The following RNF122 variants were observed in gnomAD, a reference collection of about 807,000 sequenced individuals.
The protein encoded by RNF122 is ring finger protein 122.
Under a neutral mutation model 24.2 loss-of-function variants are expected in RNF122, and 17 were observed. That is an observed-to-expected ratio of 0.70 (90% CI 0.48 to 1.06). The LOEUF is 1.06. Among genes scored for constraint, RNF122 ranks in the 50% least tolerant of loss-of-function variants. RNF122 has a pLI of 0.00. For synonymous variants in RNF122, 65 were observed against 71.8 expected (o/e 0.91, Z 0.48); for missense variants, 168 against 198.1 (o/e 0.85, Z 0.91).
intron 1 of RNF122, among the ~76,000 whole-genome samples, chr8:33,566,201 G>C (rs1810620048): frequency 6.6e-6 from 1 of 152,150 alleles, no homozygotes; most frequent in African/African-American, 2.4e-5. Context: ...AGCCACGCCA[G>C]CAGCCCGTGG....
intron 1 of RNF122, among the ~76,000 whole-genome samples, chr8:33,560,307 G>A (rs1284188967): frequency 6.6e-6 from 1 of 152,140 alleles, no homozygotes; most frequent in Non-Finnish European, 1.5e-5. Context: ...GCCAGTATTT[G>A]GTGTTCAGGT....
chr8:33,549,481 T>C lies in RNF122; in HGVS notation c.282A>G (p.Ala94=). ...TCCCCTTGAAGTCTTCCAGACAGAC[T>C]GCGCAGGTCTGCTGCAGAGAGAAAA... ...KKLQLYGQTC[A]VCLEDFKGKD... is the part of the protein sequence containing the mutation. The change falls in exon 5 of 6, where the codon GCA becomes GCG. Residue 94 remains alanine, a synonymous_variant. Transcript: ENST00000256257. The C allele has an allele frequency of 1.2e-6, 2 of 1,613,774 alleles. No individual in the cohort carries two copies. The highest frequency in any genetic ancestry group is 1.7e-6 in the Non-Finnish European group (2 of 1,179,650).
Position 33,548,005 on chromosome 8 carries a change from A to AAAAAAAAAAC in RNF122, c.*747_*748insGTTTTTTTTT, listed in dbSNP as rs1810311924. 1 of 147,994 alleles carries AAAAAAAAAAC rather than the reference A, an allele frequency of 6.8e-6. No individual in the cohort carries two copies. Among genetic ancestry groups the AAAAAAAAAAC allele is most frequent in the African/African-American group, 2.5e-5 (1 of 39,234 alleles). 9.2% of individuals were successfully genotyped at this position (147,994 alleles called of 1,614,324 possible). A position where few individuals can be genotyped will look rare whatever the true frequency, so the allele number is the denominator to read the frequency against. On this transcript the variant is annotated 3_prime_UTR_variant, in exon 6 of 6. Coordinates refer to ENST00000256257, the MANE Select transcript of RNF122 (RefSeq NM_024787.3). Reference sequence around the variant, plus strand: ...CAAAAAAAAAAAAAAAAAAAAAAAAAAGGCCCCTGGGAATCAATTTAAGTA... The same window carrying AAAAAAAAAAC: ...CAAAAAAAAAAAAAAAAAAAAAAAAAAAAAAAAAACAGGCCCCTGGGAATCAATTTAAGTA...
At chr8:33,554,700 T>A (rs1810423616) in intron 2 of RNF122, among the ~76,000 whole-genome samples, 1 of 152,188 alleles carries the variant, frequency 6.6e-6, no homozygotes, top group Admixed American at 6.5e-5. Flanking sequence ...CTGATTTCAA[T>A]GAGACCATTT....
chr8:33,565,102 A>T (rs1810602022), intron 1 of RNF122, among the ~76,000 whole-genome samples: 1 of 152,146 alleles, frequency 6.6e-6, no homozygotes, highest in Non-Finnish European at 1.5e-5. Flanking sequence ...AAGAAAGACC[A>T]GGGGATCTGG....
rs1810366735 is a variant in RNF122, at chr8:33,551,057, A to G, written c.257T>C (p.Leu86Ser). 2 of 1,613,996 alleles carry G rather than the reference A, an allele frequency of 1.2e-6. No individual in the cohort carries two copies. Among genetic ancestry groups the G allele is most frequent in the Non-Finnish European group, 1.7e-6 (2 of 1,180,002 alleles). Residue 86 changes from leucine to serine, a missense_variant, in exon 4 of 6, where the codon TTA (leucine) becomes TCA (serine). Leu to Ser is a moderately radical substitution (Grantham distance 145). Coordinates refer to ENST00000256257, the MANE Select transcript of RNF122 (RefSeq NM_024787.3). The stretch of plus-strand genomic sequence containing the variant: ...TGGCACACTTACCCCATATAATTGT[A>G]ACTTCTTGGCATCACCTTTAAGCAC... ...EVVLKGDAKKLQLYGQTCAVC... is the reference protein window; with the variant it reads ...EVVLKGDAKKSQLYGQTCAVC...
At chr8:33,560,050 C>G (rs1810517500) in intron 1 of RNF122, among the ~76,000 whole-genome samples, 1 of 152,030 alleles carries the variant, frequency 6.6e-6, no homozygotes, top group Non-Finnish European at 1.5e-5. Context: ...CCATGTTGCC[C>G]AGGCTGGTCT....
In RNF122 at chr8:33,551,057, A is replaced by T; in HGVS notation, c.257T>A (p.Leu86Ter). The T allele has an allele frequency of 6.2e-7, 1 of 1,614,114 alleles. No individual in the cohort carries two copies. The highest frequency in any genetic ancestry group is 8.5e-7 in the Non-Finnish European group (1 of 1,179,994). Residue 86 changes from leucine (L) to a stop codon, truncating the protein, a stop_gained, in exon 4 of 6, where the codon TTA becomes TAA. Coordinates refer to ENST00000256257, the MANE Select transcript of RNF122 (RefSeq NM_024787.3). LOFTEE classifies it high-confidence loss of function. ...EVVLKGDAKK[L>*]QLYGQTCAVC... ...TGGCACACTTACCCCATATAATTGT[A>T]ACTTCTTGGCATCACCTTTAAGCAC...
rs145965000 is a variant in RNF122 at position 33,554,364 on chromosome 8, G to A, written c.183-2975C>T. Among the ~76,000 whole-genome samples the A allele has an allele frequency of 4.3e-3, 661 of 152,290 alleles. 2 individuals carry two copies. Among genetic ancestry groups the A allele is most frequent in the Non-Finnish European group, 7.5e-3 (511 of 68,026 alleles). ...TGGCTATACTTATGTAGCAGATGCT[G>A]TCTTTTTCTGTTTTCTGTACCCCAG... On this transcript the variant is annotated intron_variant, in intron 2 of 5. Transcript: ENST00000256257.
At chr8:33,560,435 G>A (rs1016624540) in intron 1 of RNF122, among the ~76,000 whole-genome samples, 12 of 152,028 alleles carry the variant, frequency 7.9e-5, no homozygotes, top group Non-Finnish European at 1.5e-5. Flanking sequence ...GTGCAGTGGT[G>A]TAAACATGCC....
At position 33,551,032 on chromosome 8, in the gene RNF122, T is replaced by C. The variant is rs1392300624; in HGVS notation, c.270+12A>G. On this transcript the variant is annotated intron_variant, in intron 4 of 5. Coordinates refer to ENST00000256257, the MANE Select transcript of RNF122 (RefSeq NM_024787.3). ...GCTGGGGCCCTCCTGCACACTTTCC[T>C]GGCACACTTACCCCATATAATTGTA... 3 of 1,613,830 alleles carry C rather than the reference T, an allele frequency of 1.9e-6. No homozygotes were observed. The African/African-American group carries it at 4.0e-5, about 22-fold the overall frequency.
At chr8:33,550,350 T>C (rs781692033) in intron 4 of RNF122, among the ~76,000 whole-genome samples, 14 of 152,174 alleles carry the variant, frequency 9.2e-5, no homozygotes, top group Non-Finnish European at 1.8e-4. Flanking sequence ...AGAGGTGTAA[T>C]AGACAAAATG....
intron 2 of RNF122, among the ~76,000 whole-genome samples, chr8:33,555,193 T>TG (rs879621471): frequency 2.0e-5 from 3 of 151,614 alleles, no homozygotes; most frequent in African/African-American, 7.3e-5. Flanking sequence ...TGTGTTTTTT[T>TG]GGGTTTTTTT....
At position 33,551,372 on chromosome 8, in the gene RNF122, G is replaced by A. The variant is rs751476229; in HGVS notation, c.200C>T (p.Ala67Val). The A allele has an allele frequency of 6.2e-7, 1 of 1,614,132 alleles. No individual in the cohort carries two copies. The highest frequency in any genetic ancestry group is 8.5e-7 in the Non-Finnish European group (1 of 1,179,990). Residue 67 changes from alanine to valine, a missense_variant, in exon 3 of 6, where the codon GCA (alanine) becomes GTA (valine). Ala to Val is a moderately conservative substitution (Grantham distance 64, BLOSUM62 0). Coordinates refer to ENST00000256257, the MANE Select transcript of RNF122 (RefSeq NM_024787.3). Reference sequence around the variant, plus strand: ...CTTATATCCGTATCGCTCACTCTGTGCCTGGTTCCGCAGTTTGCTGGGAGA... The same window carrying A: ...CTTATATCCGTATCGCTCACTCTGTACCTGGTTCCGCAGTTTGCTGGGAGA... ...CYFISKLRNQ[A>V]QSERYGYKEV...
intron 2 of RNF122, among the ~76,000 whole-genome samples, chr8:33,558,391 C>T (rs549742994): frequency 2.0e-5 from 3 of 152,238 alleles, no homozygotes; most frequent in African/African-American, 4.8e-5. Context: ...CAGCCCAACC[C>T]GTGGTGACCT....
At chr8:33,555,100 G>A (rs1252897402) in intron 2 of RNF122, among the ~76,000 whole-genome samples, 1 of 152,228 alleles carries the variant, frequency 6.6e-6, no homozygotes, top group East Asian at 1.9e-4. Flanking sequence ...GGTGACGAAG[G>A]AGATTACTAA....
chr8:33,557,866 G>A (rs1322260474), intron 2 of RNF122, among the ~76,000 whole-genome samples: 1 of 152,038 alleles, frequency 6.6e-6, no homozygotes, highest in Non-Finnish European at 1.5e-5. Flanking sequence ...GCTCCGCCCG[G>A]GTGTGGTGAC....
chr8:33,560,677 C>T (rs6984125), intron 1 of RNF122, among the ~76,000 whole-genome samples: 89,625 of 151,788 alleles, frequency 0.59, 27,837 homozygotes, highest in African/African-American at 0.79. Context: ...TGTCTCACGC[C>T]TGTAATCCCA....
chr8:33,565,488 A>G (rs768183590), intron 1 of RNF122, among the ~76,000 whole-genome samples: 1 of 152,106 alleles, frequency 6.6e-6, no homozygotes, highest in Non-Finnish European at 1.5e-5. Context: ...AACGCGGTCA[A>G]GACTAGGACC....
Sources: gnomAD v4.1 joint callset for allele counts (sites outside exome capture counted in the v4.1 genomes callset) on GRCh38, gnomAD v4.1.1 for gene constraint, MANE v1.5 for transcripts, NCBI Gene and HGNC (gene_info 2026-07-23, HGNC 2026-07-21) for gene names.